The following CDC5L variants were observed in gnomAD, a reference collection of about 807,000 sequenced individuals.
The protein encoded by CDC5L is cell division cycle 5-like protein.
CDC5L carries 18 observed loss-of-function variants against 104.1 expected under a neutral mutation model. The observed-to-expected ratio is 0.17, with a 90% confidence interval of 0.12 to 0.26. The LOEUF (loss-of-function observed/expected upper bound fraction) is 0.26, where lower values mean the gene tolerates loss of function less well. Ranked by LOEUF, CDC5L falls within the 10% of genes least tolerant of loss-of-function variation. CDC5L has a pLI of 1.00. For synonymous variants in CDC5L, 331 were observed against 322.7 expected (o/e 1.03, Z -0.28); for missense variants, 673 against 956.9 (o/e 0.70, Z 3.91).
intron 2 of CDC5L, 54 bp from the exon 3 acceptor site, chr6:44,392,613 T>G (rs1790673047): frequency 6.6e-7 from 1 of 1,517,860 alleles, no homozygotes; most frequent in Admixed American, 1.8e-5. Context: ...TTGTGCAAAT[T>G]GGATATTTAT....
chr6:44,443,049 T>A (rs1793278642), intron 14 of CDC5L, among the ~76,000 whole-genome samples: 1 of 152,022 alleles, frequency 6.6e-6, no homozygotes, highest in African/African-American at 2.4e-5. Flanking sequence ...TTTTTCTTTC[T>A]TCTCTCTCCT....
chr6:44,395,013 G>C (rs1157661091), intron 4 of CDC5L, among the ~76,000 whole-genome samples: 1 of 151,958 alleles, frequency 6.6e-6, no homozygotes, highest in Non-Finnish European at 1.5e-5. Context: ...AATAAGCCAG[G>C]CACAGAGAGA....
intron 14 of CDC5L, among the ~76,000 whole-genome samples, chr6:44,440,935 T>C (rs1581662728): frequency 6.6e-6 from 1 of 152,170 alleles, no homozygotes; most frequent in East Asian, 1.9e-4. Flanking sequence ...CGTGAACTCC[T>C]AACCTCAAGT....
chr6:44,398,304 T>G (rs1790963316), intron 5 of CDC5L, among the ~76,000 whole-genome samples: 1 of 152,210 alleles, frequency 6.6e-6, no homozygotes, highest in Non-Finnish European at 1.5e-5. Flanking sequence ...CTTTTCCATT[T>G]TTATCCATGG....
At chr6:44,420,211 G>A (rs567939367) in intron 9 of CDC5L, among the ~76,000 whole-genome samples, 38 of 152,196 alleles carry the variant, frequency 2.5e-4, no homozygotes, top group East Asian at 9.7e-4. Context: ...CCTCATGCGC[G>A]TATGCCTATG....
In CDC5L at chr6:44,408,513, G is replaced by A. The variant is rs748222402; in HGVS notation, c.973G>A (p.Glu325Lys). 2.5e-6 allele frequency: 4 copies of A among 1,613,728 alleles called. No individual in the cohort carries two copies. The highest frequency in any genetic ancestry group is 2.2e-5 in the East Asian group (1 of 44,896). The change falls in exon 8 of 16, where the codon GAG becomes AAG. Residue 325 changes from glutamate to lysine, a missense_variant. Physicochemically the swap from Glu to Lys is moderately conservative, Grantham distance 56 (BLOSUM62 1). Around this residue, in one of 4 missense-constraint regions of CDC5L, gnomAD observed 578 missense variants for 737.0 expected, o/e 0.78. Coordinates refer to ENST00000371477, the MANE Select transcript of CDC5L (RefSeq NM_001253.4). ...GAGTGAAATTGCACGTCAAACTGCCGAGGAATCTGGCATAACAAATTCTGC... is the reference window on the plus strand; with the variant it reads ...GAGTGAAATTGCACGTCAAACTGCCAAGGAATCTGGCATAACAAATTCTGC... ...QASEIARQTA[E>K]ESGITNSASS...
chr6:44,409,077 A>T (rs1791513188), intron 8 of CDC5L, among the ~76,000 whole-genome samples: 1 of 152,204 alleles, frequency 6.6e-6, no homozygotes, highest in Admixed American at 6.5e-5. Flanking sequence ...ACCAGAGAAT[A>T]TCCAAACCTA....
At chr6:44,400,555 T>G (rs1791073935) in intron 5 of CDC5L, among the ~76,000 whole-genome samples, 1 of 152,144 alleles carries the variant, frequency 6.6e-6, no homozygotes. Flanking sequence ...GCCTGGCTAA[T>G]TTTTGTATTT....
chr6:44,425,399 GAGGTCTCATGGTCTCAACTTTCTC>G (rs1792374416), intron 11 of CDC5L, among the ~76,000 whole-genome samples: 1 of 152,132 alleles, frequency 6.6e-6, no homozygotes, highest in Non-Finnish European at 1.5e-5. Flanking sequence ...CAGATGAATT[GAGGTCTCATGGTCTCAACTTTCTC>G]AGGTCTCATG....
chr6:44,420,310 C>G (rs1321929231), intron 9 of CDC5L, among the ~76,000 whole-genome samples: 1 of 151,830 alleles, frequency 6.6e-6, no homozygotes, highest in African/African-American at 2.4e-5. Context: ...ACAGCCAGTA[C>G]AGGTTGAGCA....
At chr6:44,443,879 ATTTC>A (rs1394966106) in intron 14 of CDC5L, among the ~76,000 whole-genome samples, 1 of 143,828 alleles carries the variant, frequency 7.0e-6, no homozygotes, top group Non-Finnish European at 1.5e-5. Flanking sequence ...ATATTTTCCT[ATTTC>A]TTAATTGTTC....
intron 15 of CDC5L, 69 bp from the exon 16 acceptor site, chr6:44,446,538 A>G (rs1352260095): frequency 8.0e-6 from 5 of 626,962 alleles, no homozygotes; most frequent in Non-Finnish European, 1.3e-5. Context: ...TTTTTAAGAT[A>G]ATAAAGTACT....
At chr6:44,388,770 C>G (rs552228184) in intron 1 of CDC5L, among the ~76,000 whole-genome samples, 2 of 150,644 alleles carry the variant, frequency 1.3e-5, no homozygotes, top group South Asian at 4.2e-4. Flanking sequence ...CTTGGAATCT[C>G]TGTAAGAATT....
At position 44,446,891 on chromosome 6, in the gene CDC5L, G is replaced by A. The variant is rs778192588; in HGVS notation, c.*180G>A. 2 of 379,764 alleles carry A rather than the reference G, an allele frequency of 5.3e-6. No individual in the cohort carries two copies. The highest frequency in any genetic ancestry group is 1.1e-4 in the South Asian group (1 of 8,742). The allele number at this position is 379,764 out of a possible 1,614,324, so 23.5% of individuals were successfully genotyped here. On this transcript the variant is annotated 3_prime_UTR_variant, in exon 16 of 16. Coordinates refer to ENST00000371477, the MANE Select transcript of CDC5L (RefSeq NM_001253.4). Reference sequence around the variant, plus strand: ...TATAAAGACCTTAACTCCACAGGACGGACATTTTAGAGTTTAAATTATTAA... The same window carrying A: ...TATAAAGACCTTAACTCCACAGGACAGACATTTTAGAGTTTAAATTATTAA...
chr6:44,433,160 A>G (rs760957998), intron 14 of CDC5L, among the ~76,000 whole-genome samples: 10 of 152,218 alleles, frequency 6.6e-5, no homozygotes, highest in Non-Finnish European at 1.5e-4. Flanking sequence ...TTATTCACAC[A>G]TTCAGTAATT....
intron 10 of CDC5L, among the ~76,000 whole-genome samples, chr6:44,423,115 A>T (rs1792264342): frequency 6.6e-6 from 1 of 152,158 alleles, no homozygotes; most frequent in Admixed American, 6.5e-5. Flanking sequence ...TGCCCGTGTT[A>T]CTGCGTTTAT....
chr6:44,406,671 C>T (rs1165427915), intron 7 of CDC5L, among the ~76,000 whole-genome samples: 1 of 152,108 alleles, frequency 6.6e-6, no homozygotes, highest in Admixed American at 6.6e-5. Context: ...CTTTGGGAGA[C>T]CAGGACGGGC....
intron 3 of CDC5L, among the ~76,000 whole-genome samples, chr6:44,393,029 T>C (rs1790688421): frequency 6.6e-6 from 1 of 152,064 alleles, no homozygotes. Context: ...AAAATAATAA[T>C]TTAAAAGAAT....
At position 44,446,617 on chromosome 6, in the gene CDC5L, A is replaced by G. The variant is rs1178442339; in HGVS notation, c.2315A>G (p.Glu772Gly). ...AIPRRLECLKEDVQRQQEREK... is the reference protein window; with the variant it reads ...AIPRRLECLKGDVQRQQEREK... ...TTTTTTTTCTTTAAGTGTCTAAAAG[A>G]AGACGTTCAGCGACAACAAGAAAGA... Residue 772 changes from glutamate to glycine, a missense_variant, in exon 16 of 16, where the codon GAA (glutamate) becomes GGA (glycine). Transcript: ENST00000371477. 1.3e-6 allele frequency: 2 copies of G among 1,559,336 alleles called. No individual in the cohort carries two copies. The highest frequency in any genetic ancestry group is 1.7e-6 in the Non-Finnish European group (2 of 1,149,092).
Sources: allele counts gnomAD v4.1 joint callset (sites outside exome capture counted in the v4.1 genomes callset), GRCh38; gene constraint gnomAD v4.1.1; regional missense constraint gnomAD v4.1.1; transcripts MANE v1.5; gene names NCBI Gene and HGNC (gene_info 2026-07-23, HGNC 2026-07-21).